The following PID1 variants were observed in gnomAD, a reference collection of about 807,000 sequenced individuals.
PID1 encodes PTB-containing, cubilin and LRP1-interacting protein.
In PID1, 10 loss-of-function variants were observed where a neutral mutation model predicts 19.1. That is an observed-to-expected ratio of 0.52 (90% CI 0.32 to 0.89). PID1 has a LOEUF of 0.89. Among genes scored for constraint, PID1 ranks in the 40% least tolerant of loss-of-function variants. The pLI is 0.03. For synonymous variants in PID1, 130 were observed against 116.0 expected, an observed-to-expected ratio of 1.12 and a Z score of -0.78; for missense variants, 248 against 285.3, an observed-to-expected ratio of 0.87 and a Z score of 0.94.
intron 1 of PID1, among the ~76,000 whole-genome samples, chr2:229,210,879 A>T (rs1214823016): frequency 6.6e-6 from 1 of 152,196 alleles, no homozygotes; most frequent in Non-Finnish European, 1.5e-5. Context: ...ACAGTCAAGG[A>T]CGGTTAATCA....
chr2:229,066,373 G>C (rs1694327415), intron 2 of PID1, among the ~76,000 whole-genome samples: 1 of 152,200 alleles, frequency 6.6e-6, no homozygotes, highest in Admixed American at 6.5e-5. Context: ...AGTGGGATTA[G>C]AGGAGTTGAA....
At chr2:229,269,517 C>T (rs1238927142) in intron 1 of PID1, among the ~76,000 whole-genome samples, 1 of 152,232 alleles carries the variant, frequency 6.6e-6, no homozygotes, top group African/African-American at 2.4e-5. Context: ...GAATTTTGGT[C>T]ACATCTCTCT....
intron 2 of PID1, among the ~76,000 whole-genome samples, chr2:229,035,919 G>A (rs528329710): frequency 5.9e-5 from 9 of 152,088 alleles, no homozygotes; most frequent in Admixed American, 5.2e-4. Context: ...ATAGCCCAAG[G>A]ATTTTAGATT....
chr2:229,140,813 A>G (rs1689995922), intron 2 of PID1, among the ~76,000 whole-genome samples: 1 of 152,118 alleles, frequency 6.6e-6, no homozygotes, highest in South Asian at 2.1e-4. Flanking sequence ...CTCTAAAAAT[A>G]TATATTTAAT....
chr2:229,028,961 C>T (rs1221953480), intron 2 of PID1, among the ~76,000 whole-genome samples: 2 of 152,122 alleles, frequency 1.3e-5, no homozygotes, highest in Admixed American at 6.6e-5. Context: ...CTTATCACAA[C>T]ACAAGAACCC....
At chr2:229,248,690 C>G (rs1690066222) in intron 1 of PID1, among the ~76,000 whole-genome samples, 1 of 152,008 alleles carries the variant, frequency 6.6e-6, no homozygotes, top group South Asian at 2.1e-4. Context: ...AAGAGCTTAC[C>G]TTTCTTATCT....
intron 2 of PID1, among the ~76,000 whole-genome samples, chr2:229,138,979 A>G (rs1374319585): frequency 1.2e-4 from 13 of 104,642 alleles, no homozygotes; most frequent in Non-Finnish European, 2.0e-4. Context: ...AGAAAAAAAT[A>G]GAAGAAAGAA....
At chr2:229,111,476 C>A (rs915931537) in intron 2 of PID1, among the ~76,000 whole-genome samples, 2 of 152,128 alleles carry the variant, frequency 1.3e-5, no homozygotes, top group African/African-American at 4.8e-5. Context: ...CAAAAATCTA[C>A]AATTAAGATA....
At chr2:229,029,268 CT>C (rs1427121899) in intron 2 of PID1, among the ~76,000 whole-genome samples, 1 of 96,982 alleles carries the variant, frequency 1.0e-5, no homozygotes, top group Non-Finnish European at 2.2e-5. Context: ...ATGTCAATCC[CT>C]GGGGAAAAAA....
At chr2:229,174,393 C>T (rs1159454481) in intron 1 of PID1, among the ~76,000 whole-genome samples, 1 of 152,152 alleles carries the variant, frequency 6.6e-6, no homozygotes, top group Non-Finnish European at 1.5e-5. Flanking sequence ...AAGCATTATA[C>T]AACCAACATA....
At chr2:229,206,683 G>C (rs1363409504) in intron 1 of PID1, among the ~76,000 whole-genome samples, 2 of 152,172 alleles carry the variant, frequency 1.3e-5, no homozygotes, top group Non-Finnish European at 2.9e-5. Flanking sequence ...TTTATTTTAT[G>C]TATTGGTACC....
chr2:229,250,095 T>C (rs538228869), intron 1 of PID1, among the ~76,000 whole-genome samples: 8 of 152,376 alleles, frequency 5.3e-5, no homozygotes, highest in African/African-American at 1.7e-4. Flanking sequence ...TAATCACTGA[T>C]ATTTGAGTTA....
rs142351429 is a variant in PID1 at position 229,083,348 on chromosome 2, G to A, written c.178-57240C>T. 2.7e-3 allele frequency among the ~76,000 whole-genome samples: 411 copies of A among 152,264 alleles called. 1 individual carries two copies. Among genetic ancestry groups the A allele is most frequent in the African/African-American group, 9.4e-3 (391 of 41,544 alleles). ...CAAGGGCATAAAAAACTACTTGGCCGTGCTACAATTCATCACTGCCCATGT... is the reference window on the plus strand; with the variant it reads ...CAAGGGCATAAAAAACTACTTGGCCATGCTACAATTCATCACTGCCCATGT... On this transcript the variant is annotated intron_variant, in intron 2 of 2. Coordinates refer to ENST00000392055, the MANE Select transcript of PID1 (RefSeq NM_001100818.2).
At chr2:229,087,491 G>A (rs559782347) in intron 2 of PID1, among the ~76,000 whole-genome samples, 1 of 152,290 alleles carries the variant, frequency 6.6e-6, no homozygotes, top group South Asian at 2.1e-4. Context: ...GTTTAAGGTT[G>A]TTTCCTGATC....
At chr2:229,195,457 A>G (rs961298598) in intron 1 of PID1, among the ~76,000 whole-genome samples, 7 of 151,936 alleles carry the variant, frequency 4.6e-5, no homozygotes, top group African/African-American at 1.4e-4. Context: ...ACATACATAT[A>G]CATACATATA....
At chr2:229,132,962 G>A (rs1574654555) in intron 2 of PID1, among the ~76,000 whole-genome samples, 1 of 152,142 alleles carries the variant, frequency 6.6e-6, no homozygotes, top group Non-Finnish European at 1.5e-5. Context: ...TTTTGTTGTA[G>A]CCAATGCTTT....
At chr2:229,117,529 A>T (rs1695433921) in intron 2 of PID1, among the ~76,000 whole-genome samples, 1 of 152,158 alleles carries the variant, frequency 6.6e-6, no homozygotes, top group Non-Finnish European at 1.5e-5. Flanking sequence ...AGCCAGGCCG[A>T]TAATGCTCCT....
chr2:229,066,245 T>C (rs1694324717), intron 2 of PID1, among the ~76,000 whole-genome samples: 1 of 152,190 alleles, frequency 6.6e-6, no homozygotes, highest in African/African-American at 2.4e-5. Context: ...TTCTAGGTGA[T>C]GAAAGCACAA....
intron 2 of PID1, among the ~76,000 whole-genome samples, chr2:229,121,238 G>A (rs527967033): frequency 6.6e-6 from 1 of 152,276 alleles, no homozygotes; most frequent in South Asian, 2.1e-4. Context: ...TCTGGTGGGA[G>A]TACCACATGG....
Sources: allele counts gnomAD v4.1 joint callset (sites outside exome capture counted in the v4.1 genomes callset), GRCh38; gene constraint gnomAD v4.1.1; transcripts MANE v1.5; gene names NCBI Gene and HGNC (gene_info 2026-07-23, HGNC 2026-07-21).